The following KBTBD4 variants were observed in gnomAD, a reference collection of about 807,000 sequenced individuals.
KBTBD4 encodes the protein kelch repeat and BTB domain-containing protein 4.
KBTBD4 carries 30 observed loss-of-function variants against 43.9 expected under a neutral mutation model. The ratio of observed to expected loss-of-function variants is 0.68; its 90% CI spans 0.51 to 0.93. The LOEUF is 0.93. KBTBD4 is among the 40% of genes least tolerant of loss of function. KBTBD4 has a pLI of 0.00. For synonymous variants in KBTBD4, 258 were observed against 256.9 expected (o/e 1.00, Z -0.04); for missense variants, 575 against 668.8 (o/e 0.86, Z 1.55).
intron 3 of KBTBD4, 173 bp downstream of exon 3, chr11:47,575,420 T>A (rs918486929): frequency 1.7e-4 from 83 of 493,482 alleles, no homozygotes; most frequent in Non-Finnish European, 2.5e-4. Flanking sequence ...GGCAGGAGAA[T>A]GGTGTGAACC....
At position 47,572,884 on chromosome 11, in the gene KBTBD4, T is replaced by C; in HGVS notation, c.*46A>G. On this transcript the variant is annotated 3_prime_UTR_variant, in exon 4 of 4. Coordinates refer to ENST00000430070, the MANE Select transcript of KBTBD4 (RefSeq NM_018095.6). ...GGGCCCAGGGGACTTTGAGTTTGTA[T>C]GGGGAGGGAAAAGGAGTGAGCAGTT... 3.8e-6 allele frequency: 6 copies of C among 1,570,608 alleles called. No homozygotes were observed. Among genetic ancestry groups the C allele is most frequent in the Non-Finnish European group, 5.2e-6 (6 of 1,157,134 alleles).
chr11:47,573,843 CA>C lies in KBTBD4; in HGVS notation c.745-54del. The C allele has an allele frequency of 1.4e-6, 2 of 1,474,516 alleles. No individual in the cohort carries two copies. The highest frequency in any genetic ancestry group is 1.8e-6 in the Non-Finnish European group (2 of 1,090,470). The allele number at this position is 1,474,516 out of a possible 1,614,324, so 91.3% of individuals were successfully genotyped here. Reference sequence around the variant, plus strand: ...AGCTGTTAAATTCTAGGCTAAGGCTCAGCTAAGACACATATCCTTAAGATCC... The same window carrying C: ...AGCTGTTAAATTCTAGGCTAAGGCTCGCTAAGACACATATCCTTAAGATCC... On this transcript the variant is annotated intron_variant, in intron 3 of 3. Transcript: ENST00000430070. The surrounding 1 kb of genome is among the most constrained non-coding windows in gnomAD (Gnocchi z 4.1).
In KBTBD4 at chr11:47,573,057, T is replaced by C. The variant is rs770062216; in HGVS notation, c.1478A>G (p.Tyr493Cys). The C allele has an allele frequency of 2.7e-5, 44 of 1,613,974 alleles. No individual in the cohort carries two copies. The highest frequency in any genetic ancestry group is 3.1e-5 in the Non-Finnish European group (37 of 1,180,034). ...CTTTTTATATCGGTCCCGGAAGACA[T>C]AGATGCTCCCGTTACAGCTGGCAAT... ...WKIASCNGSI[Y>C]VFRDRYKKGD... Residue 493 changes from tyrosine to cysteine, a missense_variant, in exon 4 of 4, where the codon TAT (tyrosine) becomes TGT (cysteine). By Grantham distance (194) the Tyr-to-Cys change is radical. Transcript: ENST00000430070. This position sits in a 1 kb window ranked among gnomAD's most constrained non-coding sequence, Gnocchi z 4.1.
chr11:47,578,931 A>T lies in KBTBD4; in HGVS notation c.19+2T>A. 1 of 1,550,876 alleles carries T rather than the reference A, an allele frequency of 6.4e-7. No homozygotes were observed. The highest frequency in any genetic ancestry group is 8.7e-7 in the Non-Finnish European group (1 of 1,146,880). On this transcript the variant is annotated splice_donor_variant, in intron 1 of 3. Transcript: ENST00000430070. LOFTEE classifies it high-confidence loss of function. ...CCCTACCTGCCTGTCTCGCTTTCTCACCTGCGTTCCCTCCTTTCATCCCGG... is the reference window on the plus strand; with the variant it reads ...CCCTACCTGCCTGTCTCGCTTTCTCTCCTGCGTTCCCTCCTTTCATCCCGG...
Position 47,577,965 on chromosome 11 carries a change from T to C in KBTBD4, c.83A>G (p.Asp28Gly). ...ESPEEPGASM[D>G]ENYFVNYTFK... ...AGTGTAGTTCACAAAGTAGTTCTCA[T>C]CCATGGATGCTCCAGGCTCCTCTGG... is the stretch of plus-strand genomic sequence containing the variant. The change falls in exon 2 of 4, where the codon GAT becomes GGT. Residue 28 changes from aspartate (D) to glycine (G), a missense_variant. Asp to Gly is a moderately conservative substitution (Grantham distance 94). Coordinates refer to ENST00000430070, the MANE Select transcript of KBTBD4 (RefSeq NM_018095.6). 6.2e-7 allele frequency: 1 copy of C among 1,614,206 alleles called. No homozygotes were observed. The highest frequency in any genetic ancestry group is 8.5e-7 in the Non-Finnish European group (1 of 1,180,026).
chr11:47,573,291 A>G lies in KBTBD4; in HGVS notation c.1244T>C (p.Leu415Pro), dbSNP rs752474032. ...DLDFFTKPSR[L>P]IQCFDTETDK... The stretch of plus-strand genomic sequence containing the variant: ...TGTCTCTGTGTCAAAGCACTGGATG[A>G]GTCGGGAAGGTTTGGTAAAGAAGTC... Residue 415 changes from leucine (L) to proline (P), a missense_variant, in exon 4 of 4, where the codon CTC becomes CCC. Leu to Pro is a moderately conservative substitution (Grantham distance 98). Transcript: ENST00000430070. The surrounding 1 kb of genome is among the most constrained non-coding windows in gnomAD (Gnocchi z 4.1). 1 of 1,614,138 alleles carries G rather than the reference A, an allele frequency of 6.2e-7. No individual in the cohort carries two copies. Among genetic ancestry groups the G allele is most frequent in the African/African-American group, 1.3e-5 (1 of 75,018 alleles).
At position 47,572,205 on chromosome 11, in the gene KBTBD4, A is replaced by G. The variant is rs2097250212; in HGVS notation, c.*725T>C. 2 of 152,934 alleles carry G rather than the reference A, an allele frequency of 1.3e-5. No individual in the cohort carries two copies. The highest frequency in any genetic ancestry group is 1.5e-5 in the Non-Finnish European group (1 of 68,268). 9.5% of individuals were successfully genotyped at this position (152,934 alleles called of 1,614,324 possible). A position where few individuals can be genotyped will look rare whatever the true frequency, so the allele number is the denominator to read the frequency against. ...CAACACAGACACACATATCCCTTCA[A>G]AAACTTTTATTTGTATCAACAGTTC... On this transcript the variant is annotated 3_prime_UTR_variant, in exon 4 of 4. Coordinates refer to ENST00000430070, the MANE Select transcript of KBTBD4 (RefSeq NM_018095.6).
chr11:47,577,392 G>T lies in KBTBD4; in HGVS notation c.637+19C>A, dbSNP rs769899712. ...ATAGCCAAGTAACTGGGTATGGTGT[G>T]TCCCCTCCCTAAACTTACCCGAGAT... On this transcript the variant is annotated intron_variant, in intron 2 of 3. Transcript: ENST00000430070. 6.3e-7 allele frequency: 1 copy of T among 1,582,604 alleles called. No individual in the cohort carries two copies. The highest frequency in any genetic ancestry group is 2.3e-5 in the East Asian group (1 of 44,300).
In KBTBD4 at chr11:47,577,581, C is replaced by CG. The variant is rs1219764433; in HGVS notation, c.466dup (p.Arg156ProfsTer20). 7 of 1,614,112 alleles carry CG rather than the reference C, an allele frequency of 4.3e-6. No individual in the cohort carries two copies. Among genetic ancestry groups the CG allele is most frequent in the African/African-American group, 1.3e-5 (1 of 75,010 alleles). ...AAGGCAGTTTCCCACTTGCACTGTG[C>CG]GGGCCAAAAACCGAGAGCATTCCTC... On this transcript the variant is annotated frameshift_variant, in exon 2 of 4. Transcript: ENST00000430070. LOFTEE classifies it high-confidence loss of function.
In KBTBD4 at chr11:47,573,928, C is replaced by T. The variant is rs755801359; in HGVS notation, c.745-138G>A. 1 of 760,286 alleles carries T rather than the reference C, an allele frequency of 1.3e-6. No individual in the cohort carries two copies. The highest frequency in any genetic ancestry group is 2.1e-6 in the Non-Finnish European group (1 of 476,748). The allele number at this position is 760,286 out of a possible 1,614,324, so 47.1% of individuals were successfully genotyped here. On this transcript the variant is annotated intron_variant, in intron 3 of 3. Coordinates refer to ENST00000430070, the MANE Select transcript of KBTBD4 (RefSeq NM_018095.6). The surrounding 1 kb of genome is among the most constrained non-coding windows in gnomAD (Gnocchi z 4.1). ...TACTCTCTAATTACTGTATGGCATC[C>T]AACTCTCCTCTAGTCACTTTCTTTG... is the stretch of plus-strand genomic sequence containing the variant.
intron 2 of KBTBD4, chr11:47,576,597 C>G (rs894316850): frequency 4.6e-5 from 7 of 151,554 alleles, no homozygotes; most frequent in African/African-American, 1.7e-4. Flanking sequence ...ATGTGCCTTG[C>G]TTTTTTAAAA....
rs369927013 is a variant in KBTBD4, at chr11:47,575,581, G to T, written c.744+12C>A. On this transcript the variant is annotated intron_variant, in intron 3 of 3. Coordinates refer to ENST00000430070, the MANE Select transcript of KBTBD4 (RefSeq NM_018095.6). ...GAGTATGCAGTCTCAACAATTAAGA[G>T]ATTTGCCTTACCTTCAAGCTTGTCC... is the stretch of plus-strand genomic sequence containing the variant. 7 of 1,548,128 alleles carry T rather than the reference G, an allele frequency of 4.5e-6. No homozygotes were observed. In the African/African-American group the frequency reaches 6.8e-5, roughly 15 times the overall value.
rs1349642922 is a variant in KBTBD4, at chr11:47,577,633, C to G, written c.415G>C (p.Asp139His). Residue 139 changes from aspartate (D) to histidine (H), a missense_variant, in exon 2 of 4, where the codon GAC becomes CAC. Asp to His is a moderately conservative substitution (Grantham distance 81). Transcript: ENST00000430070. ...AAGAGAGATGTCAGCTGATACATGT[C>G]TGACACCTCATAAATTTCCTGCAAC... ...EELQEIYEVSDMYQLTSLFEE... is the reference protein window; with the variant it reads ...EELQEIYEVSHMYQLTSLFEE... 1 of 1,614,102 alleles carries G rather than the reference C, an allele frequency of 6.2e-7. No homozygotes were observed. Among genetic ancestry groups the G allele is most frequent in the Non-Finnish European group, 8.5e-7 (1 of 1,180,050 alleles).
Position 47,577,608 on chromosome 11 carries a change from A to G in KBTBD4, c.440T>C (p.Phe147Ser). The G allele has an allele frequency of 6.2e-7, 1 of 1,614,192 alleles. No individual in the cohort carries two copies. Among genetic ancestry groups the G allele is most frequent in the Non-Finnish European group, 8.5e-7 (1 of 1,180,030 alleles). Residue 147 changes from phenylalanine to serine, a missense_variant, in exon 2 of 4, where the codon TTT becomes TCT. Physicochemically the swap from Phe to Ser is radical, Grantham distance 155. Coordinates refer to ENST00000430070, the MANE Select transcript of KBTBD4 (RefSeq NM_018095.6). ...VSDMYQLTSL[F>S]EECSRFLART... ...GGCCAAAAACCGAGAGCATTCCTCAAAGAGAGATGTCAGCTGATACATGTC... is the reference window on the plus strand; with the variant it reads ...GGCCAAAAACCGAGAGCATTCCTCAGAGAGAGATGTCAGCTGATACATGTC...
rs2097252826 is a variant in KBTBD4, at chr11:47,573,251, C to A, written c.1284G>T (p.Val428=). The change falls in exon 4 of 4, where the codon GTG becomes GTT. Residue 428 remains valine, a synonymous_variant. Coordinates refer to ENST00000430070, the MANE Select transcript of KBTBD4 (RefSeq NM_018095.6). The surrounding 1 kb of genome is among the most constrained non-coding windows in gnomAD (Gnocchi z 4.1). ...CFDTETDKCH[V]KPYVLPFAGR... ...CTGCAAAGGGCAGCACATAGGGCTT[C>A]ACATGGCATTTGTCTGTCTCTGTGT... 6 of 1,614,124 alleles carry A rather than the reference C, an allele frequency of 3.7e-6. No homozygotes were observed. The highest frequency in any genetic ancestry group is 5.1e-6 in the Non-Finnish European group (6 of 1,180,026).
Position 47,578,743 on chromosome 11 carries a change from G to A in KBTBD4, c.19+190C>T, listed in dbSNP as rs1000458989. 20 of 1,467,702 alleles carry A rather than the reference G, an allele frequency of 1.4e-5. No individual in the cohort carries two copies. The Admixed American group carries it at 3.1e-4, about 23-fold the overall frequency. The allele number at this position is 1,467,702 out of a possible 1,614,324, so 90.9% of individuals were successfully genotyped here. A position where few individuals can be genotyped will look rare whatever the true frequency, so the allele number is the denominator to read the frequency against. ...CCGTTCTTCCCGCTCAGGCCCGCCCGCCCTCGTCAAAAGCTTGGCTCAGAG... is the reference window on the plus strand; with the variant it reads ...CCGTTCTTCCCGCTCAGGCCCGCCCACCCTCGTCAAAAGCTTGGCTCAGAG... On this transcript the variant is annotated intron_variant, in intron 1 of 3. Coordinates refer to ENST00000430070, the MANE Select transcript of KBTBD4 (RefSeq NM_018095.6).
rs147179417 is a variant in KBTBD4 at position 47,573,461 on chromosome 11, A to G, written c.1074T>C (p.Asp358=). ...AATAAATGACTGCGTTGGAGAGGGT[A>G]TCTTGCAGTGTCTTGCCACCCAGTG... ...IYSLGGKTLQ[D]TLSNAVIYYR... Residue 358 remains aspartate (D), a synonymous_variant, in exon 4 of 4, where the codon GAT becomes GAC. Transcript: ENST00000430070. This position sits in a 1 kb window ranked among gnomAD's most constrained non-coding sequence, Gnocchi z 4.1. 192 of 1,614,240 alleles carry G rather than the reference A, an allele frequency of 1.2e-4. No individual in the cohort carries two copies. Among genetic ancestry groups the G allele is most frequent in the Non-Finnish European group, 1.6e-4 (187 of 1,180,042 alleles).
rs1004314489 is a variant in KBTBD4 at position 47,578,440 on chromosome 11, G to A, written c.20-412C>T. ...CAGGGGCAGTAGAATCAGACAAAAA[G>A]GACCCCTGGCCCCGGCCTAGTGGCC... On this transcript the variant is annotated intron_variant, in intron 1 of 3. Transcript: ENST00000430070. 14 of 566,654 alleles carry A rather than the reference G, an allele frequency of 2.5e-5. No individual in the cohort carries two copies. The East Asian group carries it at 3.6e-4, about 15-fold the overall frequency. The allele number at this position is 566,654 out of a possible 1,614,324, so 35.1% of individuals were successfully genotyped here. A position where few individuals can be genotyped will look rare whatever the true frequency, so the allele number is the denominator to read the frequency against.
rs61978569 is a variant in KBTBD4 at position 47,572,990 on chromosome 11, G to A, written c.1545C>T (p.Ala515=). ...NTYKLDPATS[A]VTVTRGIKVL... ...CCTTAATACCTCTTGTGACAGTTAC[G>A]GCTGAAGTGGCAGGGTCAAGCTTGT... Residue 515 remains alanine, a synonymous_variant, in exon 4 of 4, where the codon GCC becomes GCT. Transcript: ENST00000430070. 2,148 of 1,614,124 alleles carry A rather than the reference G, an allele frequency of 1.3e-3. 27 individuals carry two copies. The African/African-American group carries it at 0.024, about 18-fold the overall frequency.
Sources: gnomAD v4.1 joint callset for allele counts on GRCh38, gnomAD v4.1.1 for gene constraint, Gnocchi (gnomAD v3.1) non-coding constraint, MANE v1.5 for transcripts, NCBI Gene and HGNC (gene_info 2026-07-23, HGNC 2026-07-21) for gene names.